GEMIN2: variants seen among roughly 807,000 people sequenced by gnomAD.
The protein encoded by GEMIN2 is gem nuclear organelle associated protein 2.
A neutral mutation model predicts 45.8 loss-of-function variants in GEMIN2; 37 were observed. The observed-to-expected ratio is 0.81, with a 90% CI of 0.62 to 1.06. The LOEUF (loss-of-function observed/expected upper bound fraction) is 1.06, where lower values mean the gene tolerates loss of function less well. GEMIN2 is among the 50% of genes least tolerant of loss of function. GEMIN2 has a pLI of 0.00. For missense variants in GEMIN2, 335 were observed against 321.8 expected, an observed-to-expected ratio of 1.04 and a Z score of -0.31; for synonymous variants, 101 against 111.5, an observed-to-expected ratio of 0.91 and a Z score of 0.60.
chr14:39,117,952 G>T (rs2052529915), intron 2 of GEMIN2, 47 bp from the exon 3 acceptor site: 6 of 952,104 alleles, frequency 6.3e-6, no homozygotes, highest in Non-Finnish European at 1.0e-5. Context: ...TGAGATTCTA[G>T]TTTTGACACT....
At chr14:39,127,438 G>T (rs2052659012) in intron 6 of GEMIN2, among the ~76,000 whole-genome samples, 1 of 148,616 alleles carries the variant, frequency 6.7e-6, no homozygotes, top group African/African-American at 2.5e-5. Context: ...TGCCTCCCAG[G>T]TTCAAGGGAT....
intron 4 of GEMIN2, among the ~76,000 whole-genome samples, chr14:39,121,539 GTAA>G (rs2052572938): frequency 6.6e-6 from 1 of 152,086 alleles, no homozygotes; most frequent in Non-Finnish European, 1.5e-5. Context: ...CTCAAAAAAT[GTAA>G]TAATAAGGAA....
chr14:39,118,090 TA>T lies in GEMIN2; in HGVS notation c.312+4del. ...GCACAGTTTTCAACTGTTCGACAGGTAAGTGTCATATTTAATCTAATTAAGC... is the reference window on the plus strand; with the variant it reads ...GCACAGTTTTCAACTGTTCGACAGGTAGTGTCATATTTAATCTAATTAAGC... On this transcript the variant is annotated splice_donor_region_variant and intron_variant, in intron 3 of 9. Transcript: ENST00000308317. 1 of 1,514,628 alleles carries T rather than the reference TA, an allele frequency of 6.6e-7. No individual in the cohort carries two copies. The highest frequency in any genetic ancestry group is 9.1e-7 in the Non-Finnish European group (1 of 1,093,664). The allele number at this position is 1,514,628 out of a possible 1,614,324, so 93.8% of individuals were successfully genotyped here.
chr14:39,136,222 T>C (rs1018431933), intron 9 of GEMIN2, among the ~76,000 whole-genome samples: 5 of 152,192 alleles, frequency 3.3e-5, no homozygotes, highest in African/African-American at 1.2e-4. Flanking sequence ...GAAATCATAC[T>C]TTAGCAGTAT....
chr14:39,116,208 G>C (rs2139330749), intron 2 of GEMIN2, among the ~76,000 whole-genome samples: 1 of 151,842 alleles, frequency 6.6e-6, no homozygotes, highest in Non-Finnish European at 1.5e-5. Context: ...ACTAATTTTT[G>C]TATTTTTAGT....
rs2052585236 is a variant in GEMIN2 at position 39,122,454 on chromosome 14, T to G, written c.397T>G (p.Trp133Gly). Reference protein sequence around the residue: ...TMPKSEDEEGWKKFCLGEKLC... With the variant: ...TMPKSEDEEGGKKFCLGEKLC... ...GCCAAAATCTGAAGATGAAGAAGGCTGGAAGAAATTTTGTCTGGGTGAAAA... is the reference window on the plus strand; with the variant it reads ...GCCAAAATCTGAAGATGAAGAAGGCGGGAAGAAATTTTGTCTGGGTGAAAA... Residue 133 changes from tryptophan (W) to glycine (G), a missense_variant, in exon 5 of 10, where the codon TGG becomes GGG. Transcript: ENST00000308317. 6.3e-7 allele frequency: 1 copy of G among 1,595,378 alleles called. No homozygotes were observed. Among genetic ancestry groups the G allele is most frequent in the Non-Finnish European group, 8.6e-7 (1 of 1,167,256 alleles).
chr14:39,115,187 T>C (rs759724263), intron 2 of GEMIN2, among the ~76,000 whole-genome samples: 2 of 151,926 alleles, frequency 1.3e-5, no homozygotes, highest in Admixed American at 6.6e-5. Context: ...GGGTTACTTA[T>C]GTTATCTTTT....
rs565639728 is a variant in GEMIN2 at position 39,126,410 on chromosome 14, G to C, written c.531+1374G>C. Among the ~76,000 whole-genome samples, 9 of 152,160 alleles carry C rather than the reference G, an allele frequency of 5.9e-5. No homozygotes were observed. In the South Asian group the frequency reaches 1.9e-3, roughly 32 times the overall value. ...GTCCAGGCTGGTCTGGAACTCCTGA[G>C]CTCAAGCGATCCTCCCACCTCAGCC... On this transcript the variant is annotated intron_variant, in intron 6 of 9. Transcript: ENST00000308317.
At chr14:39,133,776 C>T (rs1232781341) in intron 9 of GEMIN2, 57 bp downstream of exon 9, 37 of 942,832 alleles carry the variant, frequency 3.9e-5, no homozygotes, top group Non-Finnish European at 5.5e-5. Context: ...GAGGTTAGAT[C>T]GTATTTATTA....
intron 6 of GEMIN2, among the ~76,000 whole-genome samples, chr14:39,127,037 A>T (rs968426841): frequency 1.3e-5 from 2 of 150,396 alleles, no homozygotes; most frequent in Non-Finnish European, 3.0e-5. Flanking sequence ...TGCTGGGATT[A>T]TAGGCATGAG....
intron 7 of GEMIN2, 93 bp downstream of exon 7, chr14:39,128,441 A>T: frequency 6.2e-5 from 30 of 486,032 alleles, no homozygotes; most frequent in Admixed American, 1.3e-4. Flanking sequence ...CTCCTATAGG[A>T]TTATAATACT....
intron 8 of GEMIN2, among the ~76,000 whole-genome samples, chr14:39,132,699 G>A (rs1338300380): frequency 4.8e-5 from 5 of 104,498 alleles, no homozygotes; most frequent in African/African-American, 1.8e-4. Context: ...TTTATTGTGA[G>A]ATGGAGTCTC....
At chr14:39,133,932 C>G in intron 9 of GEMIN2, 1 of 321,482 alleles carries the variant, frequency 3.1e-6, no homozygotes, top group South Asian at 6.7e-5. Context: ...TAGCTAGGAC[C>G]ACAACCAAGC....
chr14:39,127,271 G>A (rs1393793135), intron 6 of GEMIN2, among the ~76,000 whole-genome samples: 1 of 144,916 alleles, frequency 6.9e-6, no homozygotes, highest in Non-Finnish European at 1.5e-5. Context: ...TGTATTTTTA[G>A]TAGAGACGGG....
At chr14:39,132,854 T>A (rs2052735703) in intron 8 of GEMIN2, among the ~76,000 whole-genome samples, 1 of 150,558 alleles carries the variant, frequency 6.6e-6, no homozygotes, top group Non-Finnish European at 1.5e-5. Context: ...AATTTTTGTA[T>A]TTTTAGTAGA....
chr14:39,126,674 G>A (rs2052644744), intron 6 of GEMIN2, among the ~76,000 whole-genome samples: 1 of 152,182 alleles, frequency 6.6e-6, no homozygotes, highest in African/African-American at 2.4e-5. Flanking sequence ...TATAGTTTAA[G>A]AACAGATTTT....
At chr14:39,118,421 AC>A in intron 3 of GEMIN2, 118 bp from the exon 4 acceptor site, 1 of 649,646 alleles carries the variant, frequency 1.5e-6, no homozygotes, top group Non-Finnish European at 2.8e-6. Flanking sequence ...TTTACATCTC[AC>A]CCCCTCCCAC....
At chr14:39,116,304 G>A (rs1231762947) in intron 2 of GEMIN2, among the ~76,000 whole-genome samples, 2 of 152,096 alleles carry the variant, frequency 1.3e-5, no homozygotes, top group African/African-American at 4.8e-5. Context: ...CTAAAGTGCT[G>A]GGATTACAGA....
At chr14:39,119,203 A>C (rs2052548486) in intron 4 of GEMIN2, among the ~76,000 whole-genome samples, 1 of 152,054 alleles carries the variant, frequency 6.6e-6, no homozygotes, top group South Asian at 2.1e-4. Context: ...CAATATTTAC[A>C]AAAAAAATTG....
Sources: gnomAD v4.1 joint callset for allele counts (sites outside exome capture counted in the v4.1 genomes callset) on GRCh38, gnomAD v4.1.1 for gene constraint, MANE v1.5 for transcripts, NCBI Gene and HGNC (gene_info 2026-07-23, HGNC 2026-07-21) for gene names.